Variants in CUL4A observed in about 807,000 individuals in gnomAD.
CUL4A encodes the protein cullin-4A.
A neutral mutation model predicts 95.5 loss-of-function variants in CUL4A; 16 were observed. The observed-to-expected ratio is 0.17, with a 90% CI of 0.11 to 0.25. The LOEUF (loss-of-function observed/expected upper bound fraction) is 0.25, where lower values mean the gene tolerates loss of function less well. CUL4A is among the 10% of genes least tolerant of loss of function. The pLI is 1.00. For synonymous variants in CUL4A, 380 were observed against 353.1 expected (o/e 1.08, Z -0.85); for missense variants, 610 against 937.0 (o/e 0.65, Z 4.56).
intron 8 of CUL4A, among the ~76,000 whole-genome samples, chr13:113,236,001 G>T (rs1047185888): frequency 6.6e-6 from 1 of 151,864 alleles, no homozygotes; most frequent in Non-Finnish European, 1.5e-5. Context: ...ATGATACAGT[G>T]TGCAGAACTG....
chr13:113,216,377 G>C (rs566612157), intron 2 of CUL4A, among the ~76,000 whole-genome samples: 14 of 152,346 alleles, frequency 9.2e-5, no homozygotes, highest in African/African-American at 2.6e-4. Flanking sequence ...TCACACACGT[G>C]TCTGTTGAGC....
chr13:113,236,934 C>A, intron 9 of CUL4A, 44 bp downstream of exon 9: 1 of 1,371,430 alleles, frequency 7.3e-7, no homozygotes, highest in South Asian at 1.2e-5. Context: ...AACAATTATC[C>A]TTAGTTCATT....
At chr13:113,208,432 G>C (rs1004054500), upstream of CUL4A, 27 of 1,502,684 alleles carry the variant, frequency 1.8e-5, no homozygotes, top group Admixed American at 5.3e-4. Context: ...GCCTTCCCGA[G>C]TCCCGGCCGC....
intron 3 of CUL4A, among the ~76,000 whole-genome samples, chr13:113,222,019 G>A (rs1039956411): frequency 1.3e-5 from 2 of 152,242 alleles, no homozygotes; most frequent in African/African-American, 4.8e-5. Context: ...GGCAGGCGCT[G>A]TGGGATGCCA....
At chr13:113,250,543 G>T (rs1437669427) in intron 15 of CUL4A, among the ~76,000 whole-genome samples, 1 of 152,104 alleles carries the variant, frequency 6.6e-6, no homozygotes, top group Non-Finnish European at 1.5e-5. Flanking sequence ...GACCCATTTT[G>T]GGCCTGGACT....
chr13:113,236,597 C>T (rs1288668641), intron 8 of CUL4A, among the ~76,000 whole-genome samples: 2 of 152,202 alleles, frequency 1.3e-5, no homozygotes, highest in South Asian at 2.1e-4. Flanking sequence ...TGGGCCCGCC[C>T]GTGGGCCTGC....
At chr13:113,247,618 G>A (rs576086991) in intron 15 of CUL4A, among the ~76,000 whole-genome samples, 2 of 152,214 alleles carry the variant, frequency 1.3e-5, no homozygotes, top group East Asian at 3.9e-4. Flanking sequence ...GAGAACTTTG[G>A]GGGAGAAGGT....
At position 113,257,895 on chromosome 13, in the gene CUL4A, T is replaced by C. The variant is rs187184422; in HGVS notation, c.2032-2712T>C. Among the ~76,000 whole-genome samples the C allele has an allele frequency of 3.4e-4, 52 of 152,358 alleles. No individual in the cohort carries two copies. In the East Asian group the frequency reaches 7.1e-3, roughly 21 times the overall value. ...ATCCTTTCCAAAACCAAATTTAAAA[T>C]ATCATCCTTGAACAAGTTATTTGAA... On this transcript the variant is annotated intron_variant, in intron 18 of 19. Transcript: ENST00000375440.
rs918993044 is a variant in CUL4A at position 113,235,063 on chromosome 13, G to A, written c.766G>A (p.Val256Ile). ...EGQRLMQERE[V>I]PEYLNHVSKR... ...TACATTTAATTGTTTTGTTTGTAAG[G>A]TTCCAGAATATCTTAACCATGTAAG... Residue 256 changes from valine to isoleucine, a missense_variant and splice_region_variant, in exon 8 of 20, where the codon GTT (valine) becomes ATT (isoleucine). Val to Ile is a conservative substitution (Grantham distance 29). This residue lies in a region of CUL4A where 153 missense variants were observed against 244.5 expected (regional missense o/e 0.63). Coordinates refer to ENST00000375440, the MANE Select transcript of CUL4A (RefSeq NM_001008895.4). 6.9e-6 allele frequency: 11 copies of A among 1,601,562 alleles called. No individual in the cohort carries two copies. In the East Asian group the frequency reaches 2.5e-4, roughly 36 times the overall value.
rs891725303 is a variant in CUL4A, at chr13:113,235,541, C to A, written c.848+396C>A. Among the ~76,000 whole-genome samples the A allele has an allele frequency of 5.9e-5, 9 of 152,030 alleles. No homozygotes were observed. The East Asian group carries it at 1.7e-3, about 29-fold the overall frequency. On this transcript the variant is annotated intron_variant, in intron 8 of 19. Coordinates refer to ENST00000375440, the MANE Select transcript of CUL4A (RefSeq NM_001008895.4). ...CTTTTCATCTTATGTTTTTTTCCTG[C>A]AAACCTGAGGTTGATGAGTAGCTAG...
intron 3 of CUL4A, among the ~76,000 whole-genome samples, chr13:113,221,723 G>A (rs1030385113): frequency 1.3e-5 from 2 of 152,042 alleles, no homozygotes; most frequent in Admixed American, 6.6e-5. Context: ...GATTACAGGC[G>A]CCCACCACCA....
At chr13:113,232,861 C>T (rs770160690) in intron 5 of CUL4A, among the ~76,000 whole-genome samples, 5 of 152,140 alleles carry the variant, frequency 3.3e-5, no homozygotes, top group East Asian at 1.9e-4. Flanking sequence ...GAGTGTCTCC[C>T]GTCGCTCAGC....
At position 113,219,039 on chromosome 13, in the gene CUL4A, C is replaced by T. The variant is rs1379704929; in HGVS notation, c.359C>T (p.Pro120Leu). ...CEDHVQAQILPFREDSLDSVL... is the reference protein window; with the variant it reads ...CEDHVQAQILLFREDSLDSVL... ...GACCACGTCCAGGCACAGATCCTTC[C>T]GTTTAGAGAATATCCTTTTTTTGGT... The change falls in exon 3 of 20, where the codon CCG becomes CTG. Residue 120 changes from proline (P) to leucine (L), a missense_variant. Pro to Leu is a moderately conservative substitution (Grantham distance 98, BLOSUM62 -3). Coordinates refer to ENST00000375440, the MANE Select transcript of CUL4A (RefSeq NM_001008895.4). 13 of 1,598,572 alleles carry T rather than the reference C, an allele frequency of 8.1e-6. No individual in the cohort carries two copies. The highest frequency in any genetic ancestry group is 2.2e-5 in the East Asian group (1 of 44,816).
At chr13:113,226,876 C>G (rs1350201728) in intron 3 of CUL4A, among the ~76,000 whole-genome samples, 1 of 152,120 alleles carries the variant, frequency 6.6e-6, no homozygotes, top group Non-Finnish European at 1.5e-5. Context: ...AAAAATAGTC[C>G]TAGTGACTCT....
intron 8 of CUL4A, 69 bp from the exon 9 acceptor site, chr13:113,236,754 A>G: frequency 9.7e-7 from 1 of 1,034,248 alleles, no homozygotes; most frequent in Non-Finnish European, 1.5e-6. Flanking sequence ...AAATGCCCCC[A>G]TCTTTTGCAG....
Position 113,233,320 on chromosome 13 carries a change from G to A in CUL4A, c.656G>A (p.Gly219Asp). ...CGGAGCCTGTTGCGGAGCCTCCTGGGCATGCTGTCTGACCTGCAGGTGAGT... is the reference window on the plus strand; with the variant it reads ...CGGAGCCTGTTGCGGAGCCTCCTGGACATGCTGTCTGACCTGCAGGTGAGT... ...VDRSLLRSLL[G>D]MLSDLQVYKD... Residue 219 changes from glycine (G) to aspartate (D), a missense_variant, in exon 6 of 20, where the codon GGC (glycine) becomes GAC (aspartate). Coordinates refer to ENST00000375440, the MANE Select transcript of CUL4A (RefSeq NM_001008895.4). 6.2e-7 allele frequency: 1 copy of A among 1,613,048 alleles called. No individual in the cohort carries two copies. Among genetic ancestry groups the A allele is most frequent in the Non-Finnish European group, 8.5e-7 (1 of 1,179,868 alleles).
intron 5 of CUL4A, among the ~76,000 whole-genome samples, chr13:113,231,708 A>G (rs955046427): frequency 6.6e-6 from 1 of 152,176 alleles, no homozygotes; most frequent in East Asian, 1.9e-4. Context: ...ACAGCTAGCA[A>G]GTAGTAGGGC....
intron 18 of CUL4A, among the ~76,000 whole-genome samples, chr13:113,255,923 A>G (rs1461105492): frequency 1.3e-5 from 2 of 152,138 alleles, no homozygotes; most frequent in African/African-American, 2.4e-5. Context: ...CACCTTTTAT[A>G]GTGGGCAAAA....
At chr13:113,260,549 C>CA (rs1292407225) in intron 18 of CUL4A, 58 bp from the exon 19 acceptor site, 17 of 1,505,966 alleles carry the variant, frequency 1.1e-5, no homozygotes, top group Admixed American at 4.8e-5. Flanking sequence ...GACTCCATCG[C>CA]AAAAAATAAA....
Sources: allele counts gnomAD v4.1 joint callset (sites outside exome capture counted in the v4.1 genomes callset), GRCh38; gene constraint gnomAD v4.1.1; regional missense constraint gnomAD v4.1.1; transcripts MANE v1.5; gene names NCBI Gene and HGNC (gene_info 2026-07-23, HGNC 2026-07-21).